Variants in SCOC observed in about 807,000 individuals in gnomAD.
SCOC encodes short coiled coil protein.
Under a neutral mutation model 9.9 loss-of-function variants are expected in SCOC, and 7 were observed. That is an observed-to-expected ratio of 0.71 (90% CI 0.40 to 1.33). The LOEUF (loss-of-function observed/expected upper bound fraction) is 1.33, where lower values mean the gene tolerates loss of function less well. SCOC is among the 40% of genes most tolerant of loss of function. The pLI is 0.01. For missense variants in SCOC, 66 were observed against 89.7 expected (o/e 0.74, Z 1.07); for synonymous variants, 19 against 28.2 (o/e 0.67, Z 1.03).
At chr4:140,379,002 T>C (rs146819941) in intron 1 of SCOC, 119 bp from the exon 2 acceptor site, 2 of 663,602 alleles carry the variant, frequency 3.0e-6, no homozygotes, top group South Asian at 3.8e-5. Flanking sequence ...TATTTTATTC[T>C]TAGTAAAGCA....
At position 140,364,363 on chromosome 4, in the gene SCOC, G is replaced by A. The variant is rs191493722; in HGVS notation, c.71-14758G>A. Reference sequence around the variant, plus strand: ...CAAGATAATTAAAGAAGAAGCTTCTGCCAATCAAGAGACAGCAGACAAGTT... The same window carrying A: ...CAAGATAATTAAAGAAGAAGCTTCTACCAATCAAGAGACAGCAGACAAGTT... On this transcript the variant is annotated intron_variant, in intron 2 of 4. Transcript: ENST00000338517. Among the ~76,000 whole-genome samples the A allele has an allele frequency of 4.7e-3, 712 of 152,260 alleles. 5 individuals carry two copies. Among genetic ancestry groups the A allele is most frequent in the Non-Finnish European group, 7.5e-3 (508 of 68,024 alleles).
At chr4:140,379,342 A>C in intron 2 of SCOC, 150 bp downstream of exon 2, 1 of 714,266 alleles carries the variant, frequency 1.4e-6, no homozygotes, top group Non-Finnish European at 2.4e-6. Context: ...AGAAAGGACC[A>C]ACCAAAGCAG....
In SCOC at chr4:140,319,711, G is replaced by A. The variant is rs897887613; in HGVS notation, c.-18-23910G>A. 4.6e-5 allele frequency among the ~76,000 whole-genome samples: 7 copies of A among 151,872 alleles called. No homozygotes were observed. In the East Asian group the frequency reaches 7.7e-4, roughly 17 times the overall value. On this transcript the variant is annotated intron_variant, in intron 1 of 4. Coordinates refer to the SCOC transcript ENST00000394205. ...TAAATAATGGTTCTTGTTAAAGCTC[G>A]GAGATTTAAGAGGTTAGAAAAGTAC...
At chr4:140,317,849 TC>T (rs1306153762) in intron 1 of SCOC, among the ~76,000 whole-genome samples, 1 of 54,094 alleles carries the variant, frequency 1.8e-5, no homozygotes, top group Non-Finnish European at 3.3e-5. Flanking sequence ...CCCTCCCCCC[TC>T]CCCCCTCCCC....
At chr4:140,319,919 TA>T in intron 1 of SCOC, among the ~76,000 whole-genome samples, 1 of 152,186 alleles carries the variant, frequency 6.6e-6, no homozygotes, top group South Asian at 2.1e-4. Flanking sequence ...GCCAAATGCA[TA>T]AAAAACTGGT....
intron 1 of SCOC, among the ~76,000 whole-genome samples, chr4:140,298,937 T>C (rs1046325660): frequency 2.6e-5 from 4 of 152,154 alleles, no homozygotes; most frequent in Non-Finnish European, 5.9e-5. Context: ...CACTTCAGCC[T>C]CCTGAGTAGC....
intron 1 of SCOC, among the ~76,000 whole-genome samples, chr4:140,271,666 G>A (rs960400835): frequency 1.3e-5 from 2 of 152,218 alleles, no homozygotes; most frequent in Admixed American, 6.5e-5. Context: ...GACAATGGAA[G>A]ATGTTTCCAT....
intron 1 of SCOC, among the ~76,000 whole-genome samples, chr4:140,322,680 A>T (rs982892755): frequency 6.6e-5 from 10 of 152,202 alleles, no homozygotes; most frequent in African/African-American, 2.4e-4. Flanking sequence ...ATGTGAGAAG[A>T]GAGAAACAAT....
upstream of SCOC, among the ~76,000 whole-genome samples, chr4:140,370,773 A>T (rs1728018807): frequency 6.6e-6 from 1 of 152,202 alleles, no homozygotes; most frequent in African/African-American, 2.4e-5. Flanking sequence ...TTATTAGTGA[A>T]GGTAAACATT....
chr4:140,273,395 T>C (rs1228840006), intron 1 of SCOC, among the ~76,000 whole-genome samples: 1 of 152,248 alleles, frequency 6.6e-6, no homozygotes, highest in Admixed American at 6.5e-5. Context: ...TTTCTCTGTT[T>C]ATACATCTTC....
chr4:140,377,848 G>A (rs1578886731), intron 1 of SCOC, among the ~76,000 whole-genome samples: 2 of 152,108 alleles, frequency 1.3e-5, no homozygotes, highest in Non-Finnish European at 2.9e-5. Flanking sequence ...TTTAAGATAC[G>A]GAGGCATAAC....
At chr4:140,261,950 G>C (rs1374583376) in intron 1 of SCOC, among the ~76,000 whole-genome samples, 1 of 152,152 alleles carries the variant, frequency 6.6e-6, no homozygotes, top group Non-Finnish European at 1.5e-5. Context: ...AGTGCAGCAG[G>C]CCAGAGAAGG....
intron 1 of SCOC, among the ~76,000 whole-genome samples, chr4:140,337,925 G>C (rs1446083437): frequency 1.3e-5 from 2 of 152,070 alleles, no homozygotes; most frequent in African/African-American, 2.4e-5. Flanking sequence ...AGAAAAAGAG[G>C]GAATCCTCCC....
intron 2 of SCOC, among the ~76,000 whole-genome samples, chr4:140,368,395 CAT>C (rs950708082): frequency 2.6e-5 from 4 of 152,058 alleles, no homozygotes; most frequent in Non-Finnish European, 4.4e-5. Context: ...ATAAAATAAA[CAT>C]GTAATTATTT....
chr4:140,277,746 A>G (rs141698879), intron 1 of SCOC, among the ~76,000 whole-genome samples: 1 of 152,358 alleles, frequency 6.6e-6, no homozygotes, highest in African/African-American at 2.4e-5. Context: ...TGTGATGGCC[A>G]CTGATTTCTG....
intron 2 of SCOC, chr4:140,366,699 G>T: frequency 6.3e-7 from 1 of 1,590,298 alleles, no homozygotes; most frequent in Non-Finnish European, 8.6e-7. Flanking sequence ...TGAGCTGCAT[G>T]CACTTGAAAG....
intron 1 of SCOC, among the ~76,000 whole-genome samples, chr4:140,301,096 C>G (rs1731797732): frequency 6.6e-6 from 1 of 152,096 alleles, no homozygotes; most frequent in South Asian, 2.1e-4. Flanking sequence ...GCAGTGGTCA[C>G]CCAAGAATGG....
intron 2 of SCOC, among the ~76,000 whole-genome samples, chr4:140,345,896 A>C (rs946212337): frequency 2.0e-5 from 3 of 152,214 alleles, no homozygotes; most frequent in Admixed American, 6.5e-5. Context: ...TATTAAATGC[A>C]ATAGTTTCAA....
chr4:140,382,262 T>G lies in SCOC; in HGVS notation c.*1158T>G, dbSNP rs948873180. ...GTTTTAGTCATCCTTTAACAATTTTTAAAAATTTAGCTTCTAGATTCCATT... is the reference window on the plus strand; with the variant it reads ...GTTTTAGTCATCCTTTAACAATTTTGAAAAATTTAGCTTCTAGATTCCATT... On this transcript the variant is annotated 3_prime_UTR_variant, in exon 4 of 4. Transcript: ENST00000608372. The G allele has an allele frequency of 2.0e-5, 3 of 152,266 alleles. No homozygotes were observed. The highest frequency in any genetic ancestry group is 4.4e-5 in the Non-Finnish European group (3 of 68,028). 9.4% of individuals were successfully genotyped at this position (152,266 alleles called of 1,614,324 possible). A position where few individuals can be genotyped will look rare whatever the true frequency, so the allele number is the denominator to read the frequency against.
Sources: gnomAD v4.1 joint callset for allele counts (sites outside exome capture counted in the v4.1 genomes callset) on GRCh38, gnomAD v4.1.1 for gene constraint, MANE v1.5 for transcripts, NCBI Gene and HGNC (gene_info 2026-07-23, HGNC 2026-07-21) for gene names.